Variants in GOLGA7 observed in about 807,000 individuals in gnomAD.
GOLGA7 encodes golgin subfamily A member 7.
A neutral mutation model predicts 21.1 loss-of-function variants in GOLGA7; 10 were observed. That is an observed-to-expected ratio of 0.47 (90% CI 0.29 to 0.80). The LOEUF (loss-of-function observed/expected upper bound fraction) is 0.80, where lower values mean the gene tolerates loss of function less well. GOLGA7 is among the 30% of genes least tolerant of loss of function. GOLGA7 has a pLI of 0.08. For synonymous variants in GOLGA7, 64 were observed against 62.6 expected, an observed-to-expected ratio of 1.02 and a Z score of -0.10; for missense variants, 114 against 166.8, an observed-to-expected ratio of 0.68 and a Z score of 1.74.
intron 1 of GOLGA7, among the ~76,000 whole-genome samples, chr8:41,494,642 A>T (rs10109180): frequency 0.32 from 49,325 of 152,056 alleles, 8,939 homozygotes; most frequent in African/African-American, 0.47. Flanking sequence ...CACCACATCT[A>T]CAAGGGGTAG....
chr8:41,506,930 A>G, intron 3 of GOLGA7, 129 bp from the exon 4 acceptor site: 1 of 686,456 alleles, frequency 1.5e-6, no homozygotes, highest in Middle Eastern at 2.4e-4. Context: ...TTAAGTAGGA[A>G]AAATGTTTAA....
At chr8:41,506,160 G>A (rs969866090) in intron 3 of GOLGA7, 148 bp downstream of exon 3, 13 of 513,582 alleles carry the variant, frequency 2.5e-5, no homozygotes, top group African/African-American at 4.4e-5. Flanking sequence ...TGTAAACCCC[G>A]TGTCTCCAAC....
At chr8:41,495,202 C>CAAAAA (rs1200554916) in intron 1 of GOLGA7, among the ~76,000 whole-genome samples, 70 of 39,616 alleles carry the variant, frequency 1.8e-3, no homozygotes, top group Non-Finnish European at 2.4e-3. Flanking sequence ...GACTCTGTCT[C>CAAAAA]AAAAAAAAAA....
intron 1 of GOLGA7, among the ~76,000 whole-genome samples, 166 bp from the exon 2 acceptor site, chr8:41,497,343 G>C (rs1806043683): frequency 6.6e-6 from 1 of 151,840 alleles, no homozygotes; most frequent in South Asian, 2.1e-4. Context: ...TTATAAGAGG[G>C]ATAAAATTAA....
intron 4 of GOLGA7, among the ~76,000 whole-genome samples, chr8:41,509,031 A>G (rs966248310): frequency 2.0e-5 from 3 of 152,236 alleles, no homozygotes; most frequent in Non-Finnish European, 2.9e-5. Context: ...CTTAATTTTT[A>G]TAATATCTTG....
At chr8:41,493,474 C>T (rs918975993) in intron 1 of GOLGA7, among the ~76,000 whole-genome samples, 8 of 152,194 alleles carry the variant, frequency 5.3e-5, no homozygotes, top group Non-Finnish European at 8.8e-5. Context: ...TTCATTTTCT[C>T]TGCTGCCTTT....
At chr8:41,508,232 A>G (rs564432425) in intron 4 of GOLGA7, among the ~76,000 whole-genome samples, 26 of 152,180 alleles carry the variant, frequency 1.7e-4, no homozygotes, top group Non-Finnish European at 3.4e-4. Context: ...ATAATTCTAG[A>G]GGTTTATCCC....
chr8:41,497,482 A>G (rs1348509929), intron 1 of GOLGA7, 27 bp from the exon 2 acceptor site: 1 of 1,313,266 alleles, frequency 7.6e-7, no homozygotes, highest in African/African-American at 1.5e-5. Context: ...TCCAAAACTT[A>G]ATTTTTAAAT....
At chr8:41,507,005 C>T (rs763879359) in intron 3 of GOLGA7, 54 bp from the exon 4 acceptor site, 1 of 846,418 alleles carries the variant, frequency 1.2e-6, no homozygotes, top group Admixed American at 1.7e-5. Context: ...TTGCCAAGTC[C>T]CCCTTTGTGT....
Position 41,496,284 on chromosome 8 carries a change from A to G in GOLGA7, c.112-1225A>G, listed in dbSNP as rs560159556. On this transcript the variant is annotated intron_variant, in intron 1 of 4. Coordinates refer to ENST00000357743, the MANE Select transcript of GOLGA7 (RefSeq NM_001002296.2). The stretch of plus-strand genomic sequence containing the variant: ...CTGGAAGGGTCTTTTTCTCTTGGGG[A>G]CACTGAATAAACTATGTGTTGTGCG... Among the ~76,000 whole-genome samples, 409 of 151,928 alleles carry G rather than the reference A, an allele frequency of 2.7e-3. 5 individuals are homozygous for G. Among genetic ancestry groups the G allele is most frequent in the African/African-American group, 9.4e-3 (388 of 41,418 alleles).
intron 1 of GOLGA7, among the ~76,000 whole-genome samples, chr8:41,492,746 A>G (rs887906413): frequency 2.0e-5 from 3 of 152,256 alleles, no homozygotes; most frequent in African/African-American, 7.2e-5. Context: ...ATGACATACA[A>G]TTTATGTACT....
At chr8:41,491,068 C>T in intron 1 of GOLGA7, 103 bp downstream of exon 1, 1 of 713,446 alleles carries the variant, frequency 1.4e-6, no homozygotes, top group Non-Finnish European at 2.5e-6. Context: ...TCCCGCAGTT[C>T]TGGGGAGGTC....
At chr8:41,501,745 G>T (rs1432920276) in intron 2 of GOLGA7, among the ~76,000 whole-genome samples, 1 of 152,188 alleles carries the variant, frequency 6.6e-6, no homozygotes, top group African/African-American at 2.4e-5. Context: ...TCAGATATTT[G>T]TGAACTCACA....
Position 41,510,575 on chromosome 8 carries a change from G to A in GOLGA7, c.*1007G>A, listed in dbSNP as rs1378014165. The A allele has an allele frequency of 1.3e-5, 2 of 152,528 alleles. No individual in the cohort carries two copies. Among genetic ancestry groups the A allele is most frequent in the Non-Finnish European group, 2.9e-5 (2 of 68,028 alleles). 9.4% of individuals were successfully genotyped at this position (152,528 alleles called of 1,614,324 possible). ...CACAGAAATCTTATGATTGGCTCAA[G>A]TACAGTAAGTTACTTCTCAGTAAAA... On this transcript the variant is annotated 3_prime_UTR_variant, in exon 5 of 5. Coordinates refer to ENST00000357743, the MANE Select transcript of GOLGA7 (RefSeq NM_001002296.2).
At chr8:41,492,938 T>C (rs956036776) in intron 1 of GOLGA7, among the ~76,000 whole-genome samples, 2 of 152,218 alleles carry the variant, frequency 1.3e-5, no homozygotes, top group African/African-American at 4.8e-5. Flanking sequence ...GTAATCTAAG[T>C]GCAAAAGCAC....
At chr8:41,493,580 G>A (rs1585594106) in intron 1 of GOLGA7, among the ~76,000 whole-genome samples, 2 of 152,270 alleles carry the variant, frequency 1.3e-5, no homozygotes, top group South Asian at 2.1e-4. Context: ...AGATATCTTA[G>A]TTACCCTTGG....
At chr8:41,507,149 G>A (rs1432288956) in intron 4 of GOLGA7, 28 bp downstream of exon 4, 5 of 836,444 alleles carry the variant, frequency 6.0e-6, no homozygotes, top group Non-Finnish European at 8.5e-6. Context: ...TGGCTTGTAT[G>A]CAGCTTTTGC....
chr8:41,502,934 G>A (rs983973220), intron 2 of GOLGA7, among the ~76,000 whole-genome samples: 3 of 152,094 alleles, frequency 2.0e-5, no homozygotes, highest in African/African-American at 7.2e-5. Flanking sequence ...ATTTCTTGGG[G>A]GTGAGAATGG....
chr8:41,490,564 G>A, upstream of GOLGA7: 1 of 420,330 alleles, frequency 2.4e-6, no homozygotes, highest in Non-Finnish European at 4.3e-6. Context: ...TTTGCGGCAG[G>A]ACGTAAGTGA....
Sources: allele counts gnomAD v4.1 joint callset (sites outside exome capture counted in the v4.1 genomes callset), GRCh38; gene constraint gnomAD v4.1.1; transcripts MANE v1.5; gene names NCBI Gene and HGNC (gene_info 2026-07-23, HGNC 2026-07-21).